Variants in FIBCD1 observed in about 807,000 individuals in gnomAD.
FIBCD1 encodes the protein fibrinogen C domain-containing protein 1.
A neutral mutation model predicts 45.1 loss-of-function variants in FIBCD1; 47 were observed. That is an observed-to-expected ratio of 1.04 (90% CI 0.82 to 1.33). The LOEUF (loss-of-function observed/expected upper bound fraction) is 1.33. FIBCD1 is among the 40% of genes most tolerant of loss of function. The pLI is 0.00. For synonymous variants in FIBCD1, 313 were observed against 308.1 expected (o/e 1.02, Z -0.17); for missense variants, 653 against 682.2 (o/e 0.96, Z 0.48).
intron 1 of FIBCD1, among the ~76,000 whole-genome samples, chr9:130,932,227 TA>T (rs1832454510): frequency 6.6e-6 from 1 of 152,224 alleles, no homozygotes; most frequent in African/African-American, 2.4e-5. Context: ...ATCATTTTTG[TA>T]AATTCAAATT....
chr9:130,910,680 A>T (rs557962298), intron 5 of FIBCD1, among the ~76,000 whole-genome samples: 4 of 152,288 alleles, frequency 2.6e-5, no homozygotes, highest in South Asian at 4.1e-4. Context: ...GTTTGTAAAC[A>T]CACCAATCAG....
At chr9:130,915,195 C>A (rs1432271295) in intron 4 of FIBCD1, among the ~76,000 whole-genome samples, 2 of 152,184 alleles carry the variant, frequency 1.3e-5, no homozygotes, top group African/African-American at 4.8e-5. Flanking sequence ...CTGGTCCCTG[C>A]ACCCACAGTC....
chr9:130,914,332 G>A (rs755748025), intron 4 of FIBCD1, among the ~76,000 whole-genome samples: 68 of 152,226 alleles, frequency 4.5e-4, no homozygotes, highest in Non-Finnish European at 8.7e-4. Flanking sequence ...ACGAGGTCAC[G>A]GTTCTGCCCT....
At chr9:130,927,951 C>T (rs1384979516) in intron 2 of FIBCD1, among the ~76,000 whole-genome samples, 1 of 152,220 alleles carries the variant, frequency 6.6e-6, no homozygotes, top group African/African-American at 2.4e-5. Flanking sequence ...TGAGCCACTG[C>T]ACCTGGCCGG....
intron 2 of FIBCD1, 104 bp from the exon 3 acceptor site, chr9:130,924,500 G>A (rs2133107452): frequency 1.7e-6 from 2 of 1,169,250 alleles, no homozygotes; most frequent in Middle Eastern, 2.9e-4. Flanking sequence ...CTGAGGCAGA[G>A]GTGGGCTTCT....
At chr9:130,930,785 C>T in intron 1 of FIBCD1, 1 of 456,264 alleles carries the variant, frequency 2.2e-6, no homozygotes, top group Non-Finnish European at 4.4e-6. Context: ...CTCTGAGCCT[C>T]AGTTTCCTCG....
chr9:130,928,606 A>T (rs1832394698), intron 2 of FIBCD1, among the ~76,000 whole-genome samples: 1 of 152,082 alleles, frequency 6.6e-6, no homozygotes, highest in Non-Finnish European at 1.5e-5. Flanking sequence ...CCCATTGCTC[A>T]TGAGCAGCTG....
intron 1 of FIBCD1, chr9:130,933,727 T>TGGGGGG (rs1179362614): frequency 1.9e-5 from 1 of 51,466 alleles, no homozygotes; most frequent in Admixed American, 1.7e-4. Flanking sequence ...GGCGGGCGGG[T>TGGGGGG]GGGGGGGGGG....
chr9:130,910,408 C>T (rs371119880), intron 5 of FIBCD1, among the ~76,000 whole-genome samples: 1 of 152,238 alleles, frequency 6.6e-6, no homozygotes, highest in African/African-American at 2.4e-5. Context: ...CCTCCCACCC[C>T]CTCCGTGGGC....
intron 1 of FIBCD1, chr9:130,930,933 C>G (rs1392834772): frequency 4.7e-6 from 2 of 423,060 alleles, no homozygotes; most frequent in East Asian, 1.4e-4. Flanking sequence ...GGGCACCCAT[C>G]ACGGAAGGTC....
chr9:130,924,203 G>A, intron 3 of FIBCD1, 34 bp downstream of exon 3: 1 of 1,529,782 alleles, frequency 6.5e-7, no homozygotes, highest in Non-Finnish European at 8.8e-7. Context: ...TGGGACCCGA[G>A]GCACCGGAGG....
chr9:130,904,347 T>TGGGCACGGG (rs1026958327), intron 6 of FIBCD1, 24 bp from the exon 7 acceptor site: 1 of 1,582,620 alleles, frequency 6.3e-7, no homozygotes, highest in East Asian at 2.3e-5. Flanking sequence ...CACACAGGTG[T>TGGGCACGGG]GGGCACGGGG....
In FIBCD1 at chr9:130,911,749, GGGA is replaced by G. The variant is rs760073718; in HGVS notation, c.946+40_946+42del. ...GACCCAACTGTGTCCGGAAGGCAGG[GGGA>G]GGAGGCCCACCTGGGCCGGATGGTG... On this transcript the variant is annotated intron_variant, in intron 5 of 6. Transcript: ENST00000372338. 13 of 1,542,124 alleles carry G rather than the reference GGGA, an allele frequency of 8.4e-6. No homozygotes were observed. The East Asian group carries it at 2.4e-4, about 28-fold the overall frequency.
chr9:130,912,848 T>C lies in FIBCD1; in HGVS notation c.850-960A>G, dbSNP rs1832086519. Among the ~76,000 whole-genome samples the C allele has an allele frequency of 2.6e-5, 4 of 151,916 alleles. No homozygotes were observed. The East Asian group carries it at 5.8e-4, about 22-fold the overall frequency. On this transcript the variant is annotated intron_variant, in intron 4 of 6. Coordinates refer to ENST00000372338, the MANE Select transcript of FIBCD1 (RefSeq NM_032843.5). ...ATCTTTTTCCAGGTCAAAACAAAAC[T>C]GACCAAGTCTATCCTCCAGTTTTTA...
rs545121016 is a variant in FIBCD1 at position 130,934,981 on chromosome 9, G to A, written c.72+3555C>T. Among the ~76,000 whole-genome samples the A allele has an allele frequency of 7.9e-5, 12 of 152,242 alleles. No individual in the cohort carries two copies. The East Asian group carries it at 1.9e-3, about 25-fold the overall frequency. On this transcript the variant is annotated intron_variant, in intron 1 of 6. Transcript: ENST00000372338. ...CATGGATCTTCCAGAACCCATGATG[G>A]TTTGCAATCGCCCCGACCTGTGAGT...
intron 4 of FIBCD1, among the ~76,000 whole-genome samples, chr9:130,921,983 G>A (rs766676238): frequency 8.5e-5 from 13 of 152,274 alleles, no homozygotes; most frequent in East Asian, 1.9e-4. Context: ...TCCCTCCACC[G>A]GCCGCCTGTG....
At chr9:130,921,049 G>A (rs1477949429) in intron 4 of FIBCD1, among the ~76,000 whole-genome samples, 2 of 152,226 alleles carry the variant, frequency 1.3e-5, no homozygotes, top group African/African-American at 4.8e-5. Flanking sequence ...ATTGAAGGGC[G>A]CTGGCGTGAT....
intron 1 of FIBCD1, among the ~76,000 whole-genome samples, chr9:130,932,192 C>T (rs1425792232): frequency 1.3e-5 from 2 of 152,208 alleles, no homozygotes; most frequent in African/African-American, 4.8e-5. Flanking sequence ...TGTCTTACTA[C>T]CTAGAAGATG....
At chr9:130,915,154 G>A (rs1050398201) in intron 4 of FIBCD1, among the ~76,000 whole-genome samples, 1 of 152,332 alleles carries the variant, frequency 6.6e-6, no homozygotes, top group African/African-American at 2.4e-5. Flanking sequence ...CCTTGAGTGT[G>A]CCCCTCTACC....
Sources: gnomAD v4.1 joint callset for allele counts (sites outside exome capture counted in the v4.1 genomes callset) on GRCh38, gnomAD v4.1.1 for gene constraint, MANE v1.5 for transcripts, NCBI Gene and HGNC (gene_info 2026-07-23, HGNC 2026-07-21) for gene names.